Variants in WWOX observed in about 807,000 individuals in gnomAD.
The protein encoded by WWOX is WW domain containing oxidoreductase.
WWOX carries 69 observed loss-of-function variants against 46.2 expected under a neutral mutation model. The ratio of observed to expected loss-of-function variants is 1.49; its 90% CI spans 1.23 to 1.82. WWOX has a LOEUF of 1.82. Among genes scored for constraint, WWOX ranks in the 40% most tolerant of loss-of-function variants. The pLI is 0.00. For synonymous variants in WWOX, 359 were observed against 202.6 expected (o/e 1.77, Z -6.56); for missense variants, 919 against 542.6 (o/e 1.69, Z -6.89).
At chr16:79,025,959 G>A (rs919932932) in intron 8 of WWOX, among the ~76,000 whole-genome samples, 4 of 148,592 alleles carry the variant, frequency 2.7e-5, no homozygotes, top group Admixed American at 6.6e-5. Context: ...TCACCACGCC[G>A]AGCTAATGTT....
At chr16:78,462,646 A>T (rs958780677) in intron 8 of WWOX, among the ~76,000 whole-genome samples, 2 of 152,200 alleles carry the variant, frequency 1.3e-5, no homozygotes, top group African/African-American at 2.4e-5. Flanking sequence ...GCAGGAGCAG[A>T]TGAACTGCCA....
At chr16:78,538,480 C>T (rs1362541321) in intron 8 of WWOX, among the ~76,000 whole-genome samples, 1 of 152,150 alleles carries the variant, frequency 6.6e-6, no homozygotes, top group Admixed American at 6.5e-5. Flanking sequence ...GGAATGACTC[C>T]ATGGATGACC....
intron 8 of WWOX, among the ~76,000 whole-genome samples, chr16:78,725,578 C>A (rs935083875): frequency 2.0e-5 from 3 of 151,116 alleles, no homozygotes; most frequent in East Asian, 3.9e-4. Context: ...AAATCCTGAC[C>A]TCAGGCGATC....
chr16:78,244,914 A>T (rs928001399), intron 5 of WWOX, among the ~76,000 whole-genome samples: 10 of 152,244 alleles, frequency 6.6e-5, no homozygotes, highest in Admixed American at 6.5e-4. Context: ...TCCAAAGTTG[A>T]AAAAAAGATT....
intron 8 of WWOX, among the ~76,000 whole-genome samples, chr16:78,674,678 T>C (rs1287778956): frequency 1.3e-5 from 2 of 152,176 alleles, no homozygotes; most frequent in Non-Finnish European, 2.9e-5. Context: ...TAACCTAACC[T>C]GTTTTAAAAT....
intron 8 of WWOX, among the ~76,000 whole-genome samples, chr16:79,193,157 C>T (rs1384848415): frequency 1.3e-5 from 2 of 152,198 alleles, no homozygotes; most frequent in Admixed American, 1.3e-4. Context: ...GCTGGAATCT[C>T]CCAATACAGA....
intron 8 of WWOX, among the ~76,000 whole-genome samples, chr16:78,570,555 C>T (rs892227443): frequency 6.6e-6 from 1 of 151,980 alleles, no homozygotes; most frequent in Admixed American, 6.6e-5. Flanking sequence ...CTCAAGTGAT[C>T]CTCCCGCCTC....
intron 8 of WWOX, among the ~76,000 whole-genome samples, chr16:78,900,340 G>A (rs11150111): frequency 0.8 from 122,011 of 152,106 alleles, 52,826 homozygotes; most frequent in Non-Finnish European, 0.95. Context: ...GCCCAAATGA[G>A]CTGTCACTCA....
intron 5 of WWOX, among the ~76,000 whole-genome samples, chr16:78,232,005 T>C (rs2037284156): frequency 6.6e-6 from 1 of 152,220 alleles, no homozygotes; most frequent in South Asian, 2.1e-4. Flanking sequence ...TCCAAGGATG[T>C]ACCTGTGAAT....
At chr16:78,821,583 C>A (rs1020159898) in intron 8 of WWOX, among the ~76,000 whole-genome samples, 1 of 152,172 alleles carries the variant, frequency 6.6e-6, no homozygotes, top group Admixed American at 6.5e-5. Flanking sequence ...CTCAGATGAC[C>A]TGTGGTATTT....
chr16:78,483,527 GC>G (rs1383662862), intron 8 of WWOX, among the ~76,000 whole-genome samples: 3 of 151,546 alleles, frequency 2.0e-5, no homozygotes, highest in Non-Finnish European at 4.4e-5. Context: ...ATTTGTGCTA[GC>G]TGATTGCCAA....
intron 8 of WWOX, among the ~76,000 whole-genome samples, chr16:78,509,169 T>A (rs1453507603): frequency 6.6e-6 from 1 of 152,192 alleles, no homozygotes; most frequent in Non-Finnish European, 1.5e-5. Flanking sequence ...CCGGGCATGG[T>A]GGTTCACGCC....
intron 8 of WWOX, among the ~76,000 whole-genome samples, chr16:78,561,774 G>A (rs547372976): frequency 1.1e-4 from 17 of 152,284 alleles, no homozygotes; most frequent in East Asian, 7.7e-4. Context: ...CCTGTGAGCC[G>A]AGCAAGTGAT....
chr16:78,833,774 G>T (rs1238604094), intron 8 of WWOX, among the ~76,000 whole-genome samples: 2 of 152,230 alleles, frequency 1.3e-5, no homozygotes, highest in African/African-American at 4.8e-5. Context: ...GGAAACTGAG[G>T]CATAAGAGGA....
At chr16:78,750,515 G>A (rs887830729) in intron 8 of WWOX, among the ~76,000 whole-genome samples, 4 of 152,040 alleles carry the variant, frequency 2.6e-5, no homozygotes, top group African/African-American at 9.7e-5. Context: ...GTTTCGGGGG[G>A]TACATGTGTA....
intron 5 of WWOX, among the ~76,000 whole-genome samples, chr16:78,380,538 T>A (rs566559564): frequency 6.6e-6 from 1 of 152,292 alleles, no homozygotes; most frequent in African/African-American, 2.4e-5. Context: ...CACTGCACTC[T>A]TTAAGGATAG....
At chr16:79,009,148 G>A (rs959445573) in intron 8 of WWOX, among the ~76,000 whole-genome samples, 1 of 152,328 alleles carries the variant, frequency 6.6e-6, no homozygotes, top group East Asian at 1.9e-4. Context: ...CATCTTCCCT[G>A]CTAAAAAGGC....
chr16:79,025,913 C>G lies in WWOX; in HGVS notation c.1057-185695C>G, dbSNP rs150073570. On this transcript the variant is annotated intron_variant, in intron 8 of 8. Transcript: ENST00000566780. ...TCCTGGGTTCAAGTGATTCTCCTGCCTCACCCTCCCGAGTAGCTGGGATAA... is the reference window on the plus strand; with the variant it reads ...TCCTGGGTTCAAGTGATTCTCCTGCGTCACCCTCCCGAGTAGCTGGGATAA... Among the ~76,000 whole-genome samples the G allele has an allele frequency of 6.7e-4, 99 of 146,774 alleles. 2 individuals carry two copies. The East Asian group carries it at 0.01, about 15-fold the overall frequency.
chr16:79,193,003 A>C (rs1427518924), intron 8 of WWOX, among the ~76,000 whole-genome samples: 1 of 152,186 alleles, frequency 6.6e-6, no homozygotes, highest in Non-Finnish European at 1.5e-5. Context: ...TCTTTGGCTC[A>C]CCAAAAGGAG....
Sources: gnomAD v4.1 joint callset for allele counts (sites outside exome capture counted in the v4.1 genomes callset) on GRCh38, gnomAD v4.1.1 for gene constraint, MANE v1.5 for transcripts, NCBI Gene and HGNC (gene_info 2026-07-23, HGNC 2026-07-21) for gene names.